The following ST8SIA6 variants were observed in gnomAD, a reference collection of about 807,000 sequenced individuals.
The protein encoded by ST8SIA6 is alpha-2,8-sialyltransferase 8F.
ST8SIA6 carries 39 observed loss-of-function variants against 33.6 expected under a neutral mutation model. The observed-to-expected ratio is 1.16, with a 90% CI of 0.90 to 1.52. The LOEUF (loss-of-function observed/expected upper bound fraction) is 1.52, where lower values mean the gene tolerates loss of function less well. Among genes scored for constraint, ST8SIA6 ranks in the 40% most tolerant of loss-of-function variants. The probability of loss-of-function intolerance (pLI) is 0.00; values close to 1 mark genes in which losing one functional copy is unlikely to be tolerated. For synonymous variants in ST8SIA6, 172 were observed against 167.2 expected (o/e 1.03, Z -0.22); for missense variants, 441 against 443.8 (o/e 0.99, Z 0.06).
In ST8SIA6 at chr10:17,379,426, C is replaced by T. The variant is rs117957188; in HGVS notation, c.290+11105G>A. On this transcript the variant is annotated intron_variant, in intron 3 of 7. Coordinates refer to ENST00000377602, the MANE Select transcript of ST8SIA6 (RefSeq NM_001004470.3). The stretch of plus-strand genomic sequence containing the variant: ...GTAGGCCAGGAGTGTCGGGTCACAC[C>T]TGTGAAAGGAAAATATCTTGGGCCC... Among the ~76,000 whole-genome samples the T allele has an allele frequency of 8.8e-3, 1,335 of 152,254 alleles. 5 individuals are homozygous for T. Among genetic ancestry groups the T allele is most frequent in the Middle Eastern group, 0.024 (7 of 294 alleles).
chr10:17,391,800 C>T (rs1850624373), intron 2 of ST8SIA6, among the ~76,000 whole-genome samples: 1 of 152,174 alleles, frequency 6.6e-6, no homozygotes, highest in Non-Finnish European at 1.5e-5. Context: ...GCCTCAGGGA[C>T]ATAGGCATGT....
chr10:17,441,304 C>CTTTATTTATTTATTTA (rs34815790), intron 2 of ST8SIA6, among the ~76,000 whole-genome samples: 20,153 of 148,018 alleles, frequency 0.14, 2,978 homozygotes, highest in African/African-American at 0.38. Flanking sequence ...TCTAAATTAT[C>CTTTATTTATTTATTTA]TTTATTTATT....
intron 2 of ST8SIA6, among the ~76,000 whole-genome samples, chr10:17,422,340 C>G (rs369780729): frequency 8.5e-5 from 13 of 152,294 alleles, no homozygotes; most frequent in East Asian, 1.9e-4. Context: ...GCACCTCCCC[C>G]CTCCCACAAG....
intron 2 of ST8SIA6, among the ~76,000 whole-genome samples, chr10:17,428,587 C>G (rs1392905103): frequency 6.6e-6 from 1 of 151,898 alleles, no homozygotes; most frequent in Non-Finnish European, 1.5e-5. Context: ...CCGAGGAAAG[C>G]AGCCGCTGAG....
At chr10:17,334,125 C>T (rs1355032386) in intron 4 of ST8SIA6, among the ~76,000 whole-genome samples, 1 of 151,922 alleles carries the variant, frequency 6.6e-6, no homozygotes, top group African/African-American at 2.4e-5. Flanking sequence ...TAGGGACCTA[C>T]TCACCAATAG....
At chr10:17,374,760 T>TAC (rs1849850800) in intron 3 of ST8SIA6, among the ~76,000 whole-genome samples, 5 of 132,458 alleles carry the variant, frequency 3.8e-5, no homozygotes, top group African/African-American at 1.4e-4. Flanking sequence ...TAAATATATA[T>TAC]ATATATATTT....
In ST8SIA6 at chr10:17,453,577, AC is replaced by A. The variant is rs1201400771; in HGVS notation, c.181del (p.Val61TyrfsTer10). The A allele has an allele frequency of 1.5e-6, 2 of 1,324,810 alleles. No homozygotes were observed. The highest frequency in any genetic ancestry group is 1.9e-6 in the Non-Finnish European group (2 of 1,029,988). 82.1% of individuals were successfully genotyped at this position (1,324,810 alleles called of 1,614,324 possible). On this transcript the variant is annotated frameshift_variant, in exon 2 of 8. Coordinates refer to ENST00000377602, the MANE Select transcript of ST8SIA6 (RefSeq NM_001004470.3). LOFTEE classifies it high-confidence loss of function. ...LRTLRSPATA[V>X]PRATNSTYLN... is the part of the protein sequence containing the mutation. ...GCTGTACCTGTTAGTGGCGCGCGGT[AC>A]CGCGGTCGCCGGGCTCCGGAGCGTC...
At chr10:17,379,034 A>G (rs900222377) in intron 3 of ST8SIA6, among the ~76,000 whole-genome samples, 9 of 151,976 alleles carry the variant, frequency 5.9e-5, no homozygotes, top group Non-Finnish European at 1.0e-4. Context: ...GCTGAGGCAG[A>G]AGAATCGCTT....
intron 3 of ST8SIA6, among the ~76,000 whole-genome samples, chr10:17,376,082 A>T (rs186718213): frequency 3.1e-4 from 47 of 152,290 alleles, no homozygotes; most frequent in Non-Finnish European, 5.0e-4. Context: ...TGCCACTTGC[A>T]TTTTATTAGT....
intron 4 of ST8SIA6, among the ~76,000 whole-genome samples, chr10:17,347,693 T>C (rs894752765): frequency 6.6e-6 from 1 of 152,104 alleles, no homozygotes; most frequent in African/African-American, 2.4e-5. Flanking sequence ...AGAGTGTCCT[T>C]TGCCTGCCAA....
At chr10:17,413,571 A>G (rs187530813) in intron 2 of ST8SIA6, 1 of 152,148 alleles carries the variant, frequency 6.6e-6, no homozygotes, top group South Asian at 2.1e-4. Context: ...ACAGTGTCCC[A>G]CTCTGAAATT....
intron 4 of ST8SIA6, among the ~76,000 whole-genome samples, chr10:17,338,377 T>G (rs12244168): frequency 0.018 from 2,734 of 152,228 alleles, 61 homozygotes; most frequent in East Asian, 0.082. Context: ...TGAGAGAGGG[T>G]AAGTTATATG....
chr10:17,334,571 T>C (rs539963367), intron 4 of ST8SIA6, among the ~76,000 whole-genome samples: 14 of 150,164 alleles, frequency 9.3e-5, no homozygotes, highest in Admixed American at 2.0e-4. Flanking sequence ...ATTATTATAA[T>C]AATAAAATAC....
intron 2 of ST8SIA6, among the ~76,000 whole-genome samples, chr10:17,425,096 A>G (rs1410595294): frequency 6.6e-6 from 1 of 152,194 alleles, no homozygotes; most frequent in African/African-American, 2.4e-5. Flanking sequence ...GGGACTCAAC[A>G]TTGGAATAAT....
intron 2 of ST8SIA6, among the ~76,000 whole-genome samples, chr10:17,442,551 G>T (rs1476976962): frequency 6.6e-6 from 1 of 152,148 alleles, no homozygotes; most frequent in Non-Finnish European, 1.5e-5. Flanking sequence ...TTTTCAAAGA[G>T]TGTTCAAAAT....
chr10:17,369,623 TCA>T (rs796253510), intron 3 of ST8SIA6, among the ~76,000 whole-genome samples: 8 of 152,260 alleles, frequency 5.3e-5, no homozygotes, highest in African/African-American at 1.7e-4. Context: ...AATCTTTTTC[TCA>T]TTGTTCTATC....
intron 3 of ST8SIA6, among the ~76,000 whole-genome samples, chr10:17,388,534 A>G (rs148820648): frequency 1.8e-4 from 28 of 152,330 alleles, no homozygotes; most frequent in Admixed American, 3.3e-4. Context: ...AAAGAGAATT[A>G]TTATTAGGAA....
At chr10:17,434,484 T>C (rs2131725621) in intron 2 of ST8SIA6, among the ~76,000 whole-genome samples, 1 of 152,334 alleles carries the variant, frequency 6.6e-6, no homozygotes, top group South Asian at 2.1e-4. Context: ...GACTGTGTGC[T>C]AAGAGTCAGT....
At chr10:17,372,598 C>A (rs561152574) in intron 3 of ST8SIA6, among the ~76,000 whole-genome samples, 1 of 152,144 alleles carries the variant, frequency 6.6e-6, no homozygotes, top group Non-Finnish European at 1.5e-5. Context: ...GGCAGAGAGT[C>A]GGCCCACAGA....
Sources: allele counts gnomAD v4.1 joint callset (sites outside exome capture counted in the v4.1 genomes callset), GRCh38; gene constraint gnomAD v4.1.1; transcripts MANE v1.5; gene names NCBI Gene and HGNC (gene_info 2026-07-23, HGNC 2026-07-21).